The following SMC2 variants were observed in gnomAD, a reference collection of about 807,000 sequenced individuals.
The protein encoded by SMC2 is structural maintenance of chromosomes protein 2.
Under a neutral mutation model 142.6 loss-of-function variants are expected in SMC2, and 41 were observed. The ratio of observed to expected loss-of-function variants is 0.29; its 90% CI spans 0.22 to 0.37. The LOEUF is 0.37. SMC2 is among the 10% of genes least tolerant of loss of function. The pLI, the probability that SMC2 is intolerant of heterozygous loss-of-function variation, is 1.00. For synonymous variants in SMC2, 463 were observed against 457.5 expected, an observed-to-expected ratio of 1.01 and a Z score of -0.15; for missense variants, 1,265 against 1,373.7, an observed-to-expected ratio of 0.92 and a Z score of 1.25.
chr9:104,118,417 A>G, intron 15 of SMC2, 42 bp downstream of exon 15: 1 of 1,521,918 alleles, frequency 6.6e-7, no homozygotes. Context: ...CTTTGTGGTA[A>G]ATAGGAAGAT....
chr9:104,122,236 A>G (rs1489349378), intron 16 of SMC2, among the ~76,000 whole-genome samples: 4 of 152,138 alleles, frequency 2.6e-5, no homozygotes, highest in Non-Finnish European at 4.4e-5. Context: ...ATTCTTTGCT[A>G]TTTGTGACAC....
At chr9:104,099,736 T>G (rs1287934809) in intron 5 of SMC2, 54 bp downstream of exon 5, 1 of 1,078,238 alleles carries the variant, frequency 9.3e-7, no homozygotes, top group African/African-American at 1.6e-5. Flanking sequence ...ATTACTTTAA[T>G]CTTTCAGACA....
At chr9:104,093,795 C>A (rs866388324), upstream of SMC2, among the ~76,000 whole-genome samples, 1 of 140,490 alleles carries the variant, frequency 7.1e-6, no homozygotes, top group East Asian at 2.2e-4. Flanking sequence ...GCCAGAGTCC[C>A]CCGAAGGACG....
At chr9:104,129,614 A>C in intron 20 of SMC2, 31 bp from the exon 21 acceptor site, 1 of 1,523,580 alleles carries the variant, frequency 6.6e-7, no homozygotes, top group African/African-American at 1.4e-5. Context: ...AAACATTCAT[A>C]GATCTCCCAT....
intron 9 of SMC2, among the ~76,000 whole-genome samples, chr9:104,104,901 G>T (rs143388304): frequency 2.0e-5 from 3 of 152,356 alleles, no homozygotes; most frequent in Non-Finnish European, 4.4e-5. Context: ...GATCAGGCCT[G>T]CCTGGAGCAC....
chr9:104,101,359 T>C (rs1156926877), intron 7 of SMC2, among the ~76,000 whole-genome samples: 2 of 152,194 alleles, frequency 1.3e-5, no homozygotes, highest in Admixed American at 6.5e-5. Flanking sequence ...AATTGTAATC[T>C]TGAAGATACC....
intron 23 of SMC2, among the ~76,000 whole-genome samples, chr9:104,136,596 T>C (rs1407602800): frequency 6.6e-6 from 1 of 152,102 alleles, no homozygotes; most frequent in Non-Finnish European, 1.5e-5. Flanking sequence ...CAGCAGAATT[T>C]TTTTTTTAAG....
Position 104,111,584 on chromosome 9 carries a change from T to A in SMC2, c.1024T>A (p.Ser342Thr). Reference protein sequence around the residue: ...KELEKNMVEDSKTLAAKEKEV... With the variant: ...KELEKNMVEDTKTLAAKEKEV... ...CCATTTGAAACTCTTCCTAAAGGAC[T>A]CAAAAACTTTAGCAGCAAAGGAAAA... The change falls in exon 10 of 25, where the codon TCA (serine) becomes ACA (threonine). Residue 342 changes from serine (S) to threonine (T), a missense_variant. Ser to Thr is a moderately conservative substitution (Grantham distance 58). Around this residue, in one of 4 missense-constraint regions of SMC2, gnomAD observed 898 missense variants for 904.2 expected, o/e 0.99. Coordinates refer to ENST00000374793, the MANE Select transcript of SMC2 (RefSeq NM_006444.3). 1 of 1,609,774 alleles carries A rather than the reference T, an allele frequency of 6.2e-7. No individual in the cohort carries two copies. Among genetic ancestry groups the A allele is most frequent in the Non-Finnish European group, 8.5e-7 (1 of 1,177,364 alleles).
At chr9:104,121,287 G>C (rs1160725017) in intron 16 of SMC2, among the ~76,000 whole-genome samples, 4 of 152,242 alleles carry the variant, frequency 2.6e-5, no homozygotes, top group African/African-American at 7.2e-5. Flanking sequence ...GAGCTCAGGA[G>C]TTCAAGACCA....
intron 14 of SMC2, among the ~76,000 whole-genome samples, chr9:104,117,798 C>T (rs1833294979): frequency 6.6e-6 from 1 of 152,098 alleles, no homozygotes; most frequent in African/African-American, 2.4e-5. Flanking sequence ...TGAAAACAAA[C>T]ACTTCTGTTC....
At position 104,134,877 on chromosome 9, in the gene SMC2, C is replaced by G. The variant is rs143033622; in HGVS notation, c.3269+302C>G. ...CCCTATGTTCACCCTGGCTTTCTCTCTAGAGGCAGTTTTTGGACTTCAGTT... is the reference window on the plus strand; with the variant it reads ...CCCTATGTTCACCCTGGCTTTCTCTGTAGAGGCAGTTTTTGGACTTCAGTT... On this transcript the variant is annotated intron_variant, in intron 23 of 24. Coordinates refer to ENST00000374793, the MANE Select transcript of SMC2 (RefSeq NM_006444.3). Among the ~76,000 whole-genome samples the G allele has an allele frequency of 4.3e-3, 662 of 152,190 alleles. 4 individuals carry two copies. The highest frequency in any genetic ancestry group is 0.015 in the African/African-American group (620 of 41,520).
intron 10 of SMC2, among the ~76,000 whole-genome samples, chr9:104,112,662 C>T (rs1329358378): frequency 1.3e-5 from 2 of 152,060 alleles, no homozygotes; most frequent in African/African-American, 4.8e-5. Flanking sequence ...TATAAGGGAA[C>T]TGGGAAAAAT....
At position 104,134,406 on chromosome 9, in the gene SMC2, T is replaced by A. The variant is rs769353546; in HGVS notation, c.3109-9T>A. On this transcript the variant is annotated splice_polypyrimidine_tract_variant and intron_variant, in intron 22 of 24. Transcript: ENST00000374793. ...CTGATGTTTTAACTTTTTTATTTTTTAAATCCAGGTGAACAAGGACTTTGG... is the reference window on the plus strand; with the variant it reads ...CTGATGTTTTAACTTTTTTATTTTTAAAATCCAGGTGAACAAGGACTTTGG... The A allele has an allele frequency of 7.7e-6, 12 of 1,560,542 alleles. No individual in the cohort carries two copies. Among genetic ancestry groups the A allele is most frequent in the South Asian group, 7.2e-5 (6 of 83,084 alleles).
chr9:104,104,538 G>A (rs746081305), intron 9 of SMC2, among the ~76,000 whole-genome samples: 1 of 150,458 alleles, frequency 6.6e-6, no homozygotes, highest in Non-Finnish European at 1.5e-5. Flanking sequence ...TAGGGCAGCT[G>A]GAGGAGCAGA....
intron 15 of SMC2, 44 bp from the exon 16 acceptor site, chr9:104,119,983 C>T (rs371331559): frequency 1.1e-4 from 184 of 1,601,524 alleles, no homozygotes; most frequent in Non-Finnish European, 1.5e-4. Context: ...GTAGTACATA[C>T]CTGGTAACAA....
chr9:104,128,767 T>C (rs1473682015), intron 20 of SMC2, among the ~76,000 whole-genome samples: 1 of 152,228 alleles, frequency 6.6e-6, no homozygotes, highest in Non-Finnish European at 1.5e-5. Flanking sequence ...TAATCAGTTG[T>C]ATTACATGAA....
At chr9:104,110,774 C>T (rs886432939) in intron 9 of SMC2, among the ~76,000 whole-genome samples, 3 of 152,202 alleles carry the variant, frequency 2.0e-5, no homozygotes, top group African/African-American at 7.2e-5. Context: ...AGTCACTCCT[C>T]TCACTTCATC....
chr9:104,111,845 C>T (rs776433857), intron 10 of SMC2, 31 bp downstream of exon 10: 12 of 1,445,704 alleles, frequency 8.3e-6, no homozygotes, highest in African/African-American at 2.9e-5. Flanking sequence ...TATGTGATTG[C>T]TTTTTTTTCC....
Position 104,140,340 on chromosome 9 carries a change from C to T in SMC2, c.*1025C>T, listed in dbSNP as rs1588020820. On this transcript the variant is annotated 3_prime_UTR_variant, in exon 25 of 25. Coordinates refer to ENST00000374793, the MANE Select transcript of SMC2 (RefSeq NM_006444.3). ...TTTAGAACTTGAAAGATGACACTAG[C>T]GAACACCATGAGAATACTGTCTACA... is the stretch of plus-strand genomic sequence containing the variant. The T allele has an allele frequency of 2.0e-5, 3 of 152,210 alleles. No individual in the cohort carries two copies. Among genetic ancestry groups the T allele is most frequent in the Admixed American group, 6.5e-5 (1 of 15,286 alleles). 9.4% of individuals were successfully genotyped at this position (152,210 alleles called of 1,614,324 possible). A position where few individuals can be genotyped will look rare whatever the true frequency, so the allele number is the denominator to read the frequency against.
Sources: gnomAD v4.1 joint callset for allele counts (sites outside exome capture counted in the v4.1 genomes callset) on GRCh38, gnomAD v4.1.1 for gene constraint, gnomAD v4.1.1 regional missense constraint, MANE v1.5 for transcripts, NCBI Gene and HGNC (gene_info 2026-07-23, HGNC 2026-07-21) for gene names.